The following SLC6A6 variants were observed in gnomAD, a reference collection of about 807,000 sequenced individuals.
SLC6A6 encodes solute carrier family 6 member 6.
SLC6A6 carries 16 observed loss-of-function variants against 68.8 expected under a neutral mutation model. The observed-to-expected ratio is 0.23, with a 90% CI of 0.16 to 0.35. The LOEUF (loss-of-function observed/expected upper bound fraction) is 0.35, where lower values mean the gene tolerates loss of function less well. Among genes scored for constraint, SLC6A6 ranks in the 10% least tolerant of loss-of-function variants. The pLI, the probability that SLC6A6 is intolerant of heterozygous loss-of-function variation, is 1.00. For missense variants in SLC6A6, 474 were observed against 802.8 expected (o/e 0.59, Z 4.95); for synonymous variants, 312 against 315.4 (o/e 0.99, Z 0.12).
At chr3:14,403,435 C>G (rs763620754) in intron 1 of SLC6A6, among the ~76,000 whole-genome samples, 2 of 152,134 alleles carry the variant, frequency 1.3e-5, no homozygotes, top group African/African-American at 2.4e-5. Context: ...GGTTGTGTCT[C>G]CAGGTCCCTG....
chr3:14,485,175 T>A lies in SLC6A6; in HGVS notation c.*168T>A. The A allele has an allele frequency of 2.0e-6, 1 of 497,044 alleles. No homozygotes were observed. The highest frequency in any genetic ancestry group is 3.5e-6 in the Non-Finnish European group (1 of 285,330). The allele number at this position is 497,044 out of a possible 1,614,324, so 30.8% of individuals were successfully genotyped here. A position where few individuals can be genotyped will look rare whatever the true frequency, so the allele number is the denominator to read the frequency against. On this transcript the variant is annotated 3_prime_UTR_variant, in exon 15 of 15. Transcript: ENST00000622186. ...GTGTGCGTGCGTGTGTGTGTGTGTGTGTATCGTGTGTGTGTGTTTTGTTTT... is the reference window on the plus strand; with the variant it reads ...GTGTGCGTGCGTGTGTGTGTGTGTGAGTATCGTGTGTGTGTGTTTTGTTTT...
At position 14,488,537 on chromosome 3, in the gene SLC6A6, A is replaced by C. The variant is rs1407873532; in HGVS notation, c.*3530A>C. On this transcript the variant is annotated 3_prime_UTR_variant, in exon 15 of 15. Transcript: ENST00000622186. The stretch of plus-strand genomic sequence containing the variant: ...CCCACCCCACCCAAGATTCAGACAC[A>C]AGCCAGGAAAGGACCCAAGAGAAAA... 1.3e-5 allele frequency: 2 copies of C among 152,146 alleles called. No homozygotes were observed. Among genetic ancestry groups the C allele is most frequent in the Admixed American group, 1.3e-4 (2 of 15,278 alleles). The allele number at this position is 152,146 out of a possible 1,614,324, so 9.4% of individuals were successfully genotyped here.
Position 14,445,926 on chromosome 3 carries a change from T to C in SLC6A6, c.364+75T>C, listed in dbSNP as rs112864099. The C allele has an allele frequency of 2.2e-3, 3,289 of 1,503,384 alleles. 60 individuals are homozygous for C. In the African/African-American group the frequency reaches 0.041, roughly 19 times the overall value. The allele number at this position is 1,503,384 out of a possible 1,614,324, so 93.1% of individuals were successfully genotyped here. A position where few individuals can be genotyped will look rare whatever the true frequency, so the allele number is the denominator to read the frequency against. On this transcript the variant is annotated intron_variant, in intron 4 of 14. Coordinates refer to ENST00000622186, the MANE Select transcript of SLC6A6 (RefSeq NM_003043.6). Reference sequence around the variant, plus strand: ...ACATTTTTATTGAGCACCTATTGTCTGCCAGGTCCATTGGAGCCTCATGCA... The same window carrying C: ...ACATTTTTATTGAGCACCTATTGTCCGCCAGGTCCATTGGAGCCTCATGCA...
At chr3:14,463,607 G>A (rs980835144) in intron 6 of SLC6A6, among the ~76,000 whole-genome samples, 5 of 152,352 alleles carry the variant, frequency 3.3e-5, no homozygotes, top group African/African-American at 7.2e-5. Context: ...GGAACTGGTC[G>A]GGGCGCCTGG....
Position 14,468,402 on chromosome 3 carries a change from T to A in SLC6A6, c.1096+190T>A, listed in dbSNP as rs1285789285. ...TACAAAGCCAAATTTTAAACATTTG[T>A]ATTGCAATTTGGCCCTGATGGGTGG... On this transcript the variant is annotated intron_variant, in intron 9 of 14. Coordinates refer to ENST00000622186, the MANE Select transcript of SLC6A6 (RefSeq NM_003043.6). This position sits in a 1 kb window ranked among gnomAD's most constrained non-coding sequence, Gnocchi z 4.5. Among the ~76,000 whole-genome samples the A allele has an allele frequency of 2.1e-4, 6 of 29,130 alleles. No individual in the cohort carries two copies. The East Asian group carries it at 5.7e-3, about 28-fold the overall frequency. 19.1% of individuals were successfully genotyped at this position (29,130 alleles called of 152,430 possible).
intron 2 of SLC6A6, 61 bp downstream of exon 2, chr3:14,416,514 G>T (rs773054998): frequency 1.5e-5 from 6 of 398,472 alleles, no homozygotes; most frequent in Non-Finnish European, 2.7e-5. Context: ...GTGACCCAAG[G>T]TGGGGGGCTC....
intron 6 of SLC6A6, among the ~76,000 whole-genome samples, chr3:14,459,114 A>G (rs1357124004): frequency 6.6e-6 from 1 of 152,226 alleles, no homozygotes; most frequent in Admixed American, 6.5e-5. Context: ...TAAGCTATAA[A>G]GAACAAAGGC....
At chr3:14,427,113 C>G (rs1699617700) in intron 2 of SLC6A6, among the ~76,000 whole-genome samples, 1 of 144,980 alleles carries the variant, frequency 6.9e-6, no homozygotes, top group Non-Finnish European at 1.5e-5. Flanking sequence ...GTCTTCCGCA[C>G]TCTCTGGCTG....
At position 14,485,531 on chromosome 3, in the gene SLC6A6, AGAT is replaced by A. The variant is rs1381604733; in HGVS notation, c.*526_*528del. The A allele has an allele frequency of 6.5e-6, 1 of 152,782 alleles. No homozygotes were observed. Among genetic ancestry groups the A allele is most frequent in the East Asian group, 1.9e-4 (1 of 5,196 alleles). The allele number at this position is 152,782 out of a possible 1,614,324, so 9.5% of individuals were successfully genotyped here. A position where few individuals can be genotyped will look rare whatever the true frequency, so the allele number is the denominator to read the frequency against. On this transcript the variant is annotated 3_prime_UTR_variant, in exon 15 of 15. Coordinates refer to ENST00000622186, the MANE Select transcript of SLC6A6 (RefSeq NM_003043.6). ...TGGTATACCTTCCAAATCCTGGTTC[AGAT>A]GGAAGAAATAGCAGGAGAGAGGACC...
chr3:14,476,483 C>T (rs911353415), intron 10 of SLC6A6, among the ~76,000 whole-genome samples: 2 of 152,186 alleles, frequency 1.3e-5, no homozygotes, highest in Non-Finnish European at 2.9e-5. Flanking sequence ...CCTTTGGGAG[C>T]CCAGGAAGGG....
chr3:14,425,287 C>T (rs941848948), intron 2 of SLC6A6, among the ~76,000 whole-genome samples: 1 of 152,118 alleles, frequency 6.6e-6, no homozygotes, highest in Non-Finnish European at 1.5e-5. Flanking sequence ...TAGGTTCCAA[C>T]TAAAACATAG....
At chr3:14,431,456 T>C (rs752562146) in intron 2 of SLC6A6, among the ~76,000 whole-genome samples, 3 of 152,208 alleles carry the variant, frequency 2.0e-5, no homozygotes, top group Admixed American at 6.5e-5. Context: ...GGGACAGAGC[T>C]GTCCTGGAGG....
rs1699008486 is a variant in SLC6A6, at chr3:14,402,623, A to T, written c.-278A>T. The stretch of plus-strand genomic sequence containing the variant: ...GTGATGCTGAGAGCTGCCTGCTCAG[A>T]CAACAGACACGCGAGGTCAGGAAGA... On this transcript the variant is annotated 5_prime_UTR_variant, in exon 1 of 15. Coordinates refer to ENST00000622186, the MANE Select transcript of SLC6A6 (RefSeq NM_003043.6). This position sits in a 1 kb window ranked among gnomAD's most constrained non-coding sequence, Gnocchi z 4.8. 1 of 397,586 alleles carries T rather than the reference A, an allele frequency of 2.5e-6. No individual in the cohort carries two copies. Among genetic ancestry groups the T allele is most frequent in the East Asian group, 3.6e-5 (1 of 28,000 alleles). 24.6% of individuals were successfully genotyped at this position (397,586 alleles called of 1,614,324 possible).
rs1261424869 is a variant in SLC6A6 at position 14,486,904 on chromosome 3, C to G, written c.*1897C>G. 3 of 152,250 alleles carry G rather than the reference C, an allele frequency of 2.0e-5. No homozygotes were observed. The highest frequency in any genetic ancestry group is 7.2e-5 in the African/African-American group (3 of 41,446). 9.4% of individuals were successfully genotyped at this position (152,250 alleles called of 1,614,324 possible). A position where few individuals can be genotyped will look rare whatever the true frequency, so the allele number is the denominator to read the frequency against. On this transcript the variant is annotated 3_prime_UTR_variant, in exon 15 of 15. Coordinates refer to ENST00000622186, the MANE Select transcript of SLC6A6 (RefSeq NM_003043.6). ...ACAACACCCAGTCCTATTCCAAACT[C>G]TCAACGATTCTATCTTGTTCCTGTT...
rs73132942 is a variant in SLC6A6 at position 14,444,022 on chromosome 3, C to T, written c.229+159C>T. ...GCCTGCCATGCTCCTGCCAACCCCA[C>T]CCTTAGAGACAGGGGATAAGCCCGA... On this transcript the variant is annotated intron_variant, in intron 3 of 14. Coordinates refer to ENST00000622186, the MANE Select transcript of SLC6A6 (RefSeq NM_003043.6). 4.5e-4 allele frequency: 274 copies of T among 610,142 alleles called. No individual in the cohort carries two copies. In the African/African-American group the frequency reaches 4.6e-3, roughly 10 times the overall value. 37.8% of individuals were successfully genotyped at this position (610,142 alleles called of 1,614,324 possible). A position where few individuals can be genotyped will look rare whatever the true frequency, so the allele number is the denominator to read the frequency against.
chr3:14,416,613 C>T (rs1699368386), intron 2 of SLC6A6, among the ~76,000 whole-genome samples, 160 bp downstream of exon 2: 1 of 152,230 alleles, frequency 6.6e-6, no homozygotes, highest in Non-Finnish European at 1.5e-5. Flanking sequence ...CTCCAGGTGG[C>T]AGATCCCCTG....
chr3:14,444,873 T>A, intron 3 of SLC6A6: 1 of 455,160 alleles, frequency 2.2e-6, no homozygotes, highest in Admixed American at 2.3e-5. Context: ...CCAGGTAGGA[T>A]CCCCTGCCCC....
chr3:14,444,187 C>T (rs1700059910), intron 3 of SLC6A6: 1 of 305,912 alleles, frequency 3.3e-6, no homozygotes, highest in South Asian at 5.2e-5. Context: ...CAGACATTCA[C>T]ACACCTCCTT....
rs906808959 is a variant in SLC6A6 at position 14,450,801 on chromosome 3, G to A, written c.599+2985G>A. ...GCCTTCAAGAGCCTTCTCTTTTCTT[G>A]GCATGCAATGGTGGAAAGGCAAGAG... On this transcript the variant is annotated intron_variant, in intron 5 of 14. Coordinates refer to ENST00000622186, the MANE Select transcript of SLC6A6 (RefSeq NM_003043.6). This position sits in a 1 kb window ranked among gnomAD's most constrained non-coding sequence, Gnocchi z 4.1. Among the ~76,000 whole-genome samples the A allele has an allele frequency of 4.6e-5, 7 of 152,208 alleles. 1 individual carries two copies. The highest frequency in any genetic ancestry group is 3.9e-4 in the Admixed American group (6 of 15,278).
Sources: gnomAD v4.1 joint callset for allele counts (sites outside exome capture counted in the v4.1 genomes callset) on GRCh38, gnomAD v4.1.1 for gene constraint, Gnocchi (gnomAD v3.1) non-coding constraint, MANE v1.5 for transcripts, NCBI Gene and HGNC (gene_info 2026-07-23, HGNC 2026-07-21) for gene names.